Variants in PDE4D observed in about 807,000 individuals in gnomAD.
PDE4D encodes the protein phosphodiesterase 4D.
A neutral mutation model predicts 87.4 loss-of-function variants in PDE4D; 24 were observed. The observed-to-expected ratio is 0.27, with a 90% CI of 0.20 to 0.39. The LOEUF is 0.39. Among genes scored for constraint, PDE4D ranks in the 10% least tolerant of loss-of-function variants. The pLI is 1.00. For synonymous variants in PDE4D, 384 were observed against 383.2 expected (o/e 1.00, Z -0.02); for missense variants, 714 against 1,041.0 (o/e 0.69, Z 4.32).
intron 11 of PDE4D, among the ~76,000 whole-genome samples, chr5:58,984,861 A>T (rs1020560969): frequency 4.3e-4 from 65 of 152,296 alleles, no homozygotes; most frequent in African/African-American, 1.5e-3. Flanking sequence ...TATACCCTCC[A>T]GCATTTTATA....
At chr5:60,187,293 C>A (rs1463016029) in intron 1 of PDE4D, among the ~76,000 whole-genome samples, 1 of 152,096 alleles carries the variant, frequency 6.6e-6, no homozygotes, top group Non-Finnish European at 1.5e-5. Context: ...ATCACCTTTA[C>A]AAATTAGCAT....
Position 59,818,531 on chromosome 5 carries a change from T to G in PDE4D, c.455+74637A>C, listed in dbSNP as rs577211513. 2.9e-4 allele frequency among the ~76,000 whole-genome samples: 44 copies of G among 152,310 alleles called. No homozygotes were observed. The South Asian group carries it at 8.5e-3, about 29-fold the overall frequency. On this transcript the variant is annotated intron_variant, in intron 1 of 14. Transcript: ENST00000340635. ...AATTTCAGCAATGGCATCTTTCAATTAAATCTTTTCTGAGCATCTTGGGCC... is the reference window on the plus strand; with the variant it reads ...AATTTCAGCAATGGCATCTTTCAATGAAATCTTTTCTGAGCATCTTGGGCC...
intron 1 of PDE4D, among the ~76,000 whole-genome samples, chr5:59,411,025 T>C (rs751552803): frequency 2.8e-4 from 43 of 152,296 alleles, no homozygotes; most frequent in Admixed American, 1.1e-3. Context: ...TTTTATAGCA[T>C]AAATTTCCAT....
At chr5:59,375,300 T>C (rs1300218808) in intron 1 of PDE4D, among the ~76,000 whole-genome samples, 1 of 151,742 alleles carries the variant, frequency 6.6e-6, no homozygotes, top group East Asian at 1.9e-4. Context: ...GCTAGATTAA[T>C]AAAGAAGAAA....
intron 1 of PDE4D, among the ~76,000 whole-genome samples, chr5:59,419,867 G>C (rs75401066): frequency 6.6e-6 from 1 of 152,016 alleles, no homozygotes; most frequent in Non-Finnish European, 1.5e-5. Context: ...CACTTTTACC[G>C]TGGAGAACCC....
chr5:59,897,205 C>T (rs1336754634), upstream of PDE4D, among the ~76,000 whole-genome samples: 2 of 152,136 alleles, frequency 1.3e-5, no homozygotes, highest in African/African-American at 2.4e-5. Context: ...TCATTACCAC[C>T]CCCACCCTTT....
chr5:59,064,291 T>A (rs1463724148), intron 5 of PDE4D, among the ~76,000 whole-genome samples: 1 of 152,080 alleles, frequency 6.6e-6, no homozygotes, highest in East Asian at 1.9e-4. Flanking sequence ...ATTTTTTTTA[T>A]TGTTTATTTT....
chr5:59,332,633 CCA>C (rs1220880207), intron 1 of PDE4D, among the ~76,000 whole-genome samples: 1 of 152,140 alleles, frequency 6.6e-6, no homozygotes, highest in African/African-American at 2.4e-5. Flanking sequence ...ATTGGCTAGC[CCA>C]CAGTCTTTTC....
intron 5 of PDE4D, among the ~76,000 whole-genome samples, chr5:59,122,578 C>T (rs1774729065): frequency 6.6e-6 from 1 of 152,090 alleles, no homozygotes; most frequent in East Asian, 1.9e-4. Context: ...GTGATGGATA[C>T]CGTAAATACC....
intron 3 of PDE4D, among the ~76,000 whole-genome samples, chr5:59,921,894 G>A (rs1046200862): frequency 6.6e-6 from 1 of 152,168 alleles, no homozygotes; most frequent in Admixed American, 6.5e-5. Flanking sequence ...AAAATCAGGT[G>A]AGCAATCTCT....
chr5:59,321,356 T>C (rs1331177007), intron 1 of PDE4D, among the ~76,000 whole-genome samples: 1 of 152,090 alleles, frequency 6.6e-6, no homozygotes, highest in Non-Finnish European at 1.5e-5. Flanking sequence ...GACAAGATTT[T>C]TATGCTTAGG....
At chr5:59,207,541 T>C (rs1289645649) in intron 2 of PDE4D, among the ~76,000 whole-genome samples, 1 of 152,166 alleles carries the variant, frequency 6.6e-6, no homozygotes, top group Non-Finnish European at 1.5e-5. Flanking sequence ...TCACACATAA[T>C]GTGCTCTTAG....
At chr5:60,376,279 T>C (rs1181745089) in intron 1 of PDE4D, among the ~76,000 whole-genome samples, 1 of 152,176 alleles carries the variant, frequency 6.6e-6, no homozygotes, top group Non-Finnish European at 1.5e-5. Flanking sequence ...ATAAGCATCA[T>C]TGTTATCATC....
intron 5 of PDE4D, among the ~76,000 whole-genome samples, chr5:59,164,505 G>A (rs1023741230): frequency 6.6e-5 from 10 of 152,054 alleles, no homozygotes; most frequent in African/African-American, 1.4e-4. Context: ...TATTATTCCC[G>A]TCTTCTAATG....
At chr5:60,042,339 C>A (rs920699381) in intron 2 of PDE4D, among the ~76,000 whole-genome samples, 4 of 152,196 alleles carry the variant, frequency 2.6e-5, no homozygotes, top group African/African-American at 9.6e-5. Flanking sequence ...TGGGACAGAG[C>A]ACCTGGGGGA....
intron 2 of PDE4D, among the ~76,000 whole-genome samples, chr5:59,200,427 A>G (rs1196812082): frequency 0.023 from 1 of 44 alleles, no homozygotes; most frequent in African/African-American, 0.5. Context: ...ACGTGTATGT[A>G]CAGCTACACG....
intron 1 of PDE4D, among the ~76,000 whole-genome samples, chr5:59,399,560 A>C (rs1477024728): frequency 1.5e-5 from 2 of 132,846 alleles, no homozygotes; most frequent in African/African-American, 5.3e-5. Flanking sequence ...TCCCTTCCTT[A>C]CACCTTATAC....
At chr5:59,346,769 C>T (rs908198242) in intron 1 of PDE4D, among the ~76,000 whole-genome samples, 1 of 152,132 alleles carries the variant, frequency 6.6e-6, no homozygotes, top group African/African-American at 2.4e-5. Context: ...CACTGAGGAC[C>T]TCCTGAACAA....
intron 1 of PDE4D, among the ~76,000 whole-genome samples, chr5:59,233,014 G>A (rs1755589434): frequency 6.6e-6 from 1 of 152,062 alleles, no homozygotes; most frequent in Admixed American, 6.6e-5. Flanking sequence ...GTAATAGAAT[G>A]ATAGCTACCA....
Sources: gnomAD v4.1 joint callset for allele counts (sites outside exome capture counted in the v4.1 genomes callset) on GRCh38, gnomAD v4.1.1 for gene constraint, MANE v1.5 for transcripts, NCBI Gene and HGNC (gene_info 2026-07-23, HGNC 2026-07-21) for gene names.